CACNA1C: variants seen among roughly 807,000 people sequenced by gnomAD.
The protein encoded by CACNA1C is calcium voltage-gated channel subunit alpha1 C, also known as voltage-dependent L-type calcium channel subunit alpha-1C.
In CACNA1C, 30 loss-of-function variants were observed where a neutral mutation model predicts 229.0. The observed-to-expected ratio is 0.13, with a 90% confidence interval of 0.10 to 0.18. CACNA1C has a LOEUF of 0.18. CACNA1C is among the 10% of genes least tolerant of loss of function. CACNA1C has a pLI of 1.00. For synonymous variants in CACNA1C, 1,114 were observed against 1,132.5 expected, an observed-to-expected ratio of 0.98 and a Z score of 0.33; for missense variants, 1,658 against 2,845.0, an observed-to-expected ratio of 0.58 and a Z score of 9.49.
intron 1 of CACNA1C, among the ~76,000 whole-genome samples, chr12:2,001,598 T>C (rs1291593500): frequency 6.6e-6 from 1 of 152,180 alleles, no homozygotes; most frequent in African/African-American, 2.4e-5. Context: ...TCTCAACTTA[T>C]CCTCCCAAAT....
intron 3 of CACNA1C, among the ~76,000 whole-genome samples, chr12:2,121,911 G>A (rs1161904799): frequency 6.6e-6 from 1 of 152,160 alleles, no homozygotes; most frequent in Non-Finnish European, 1.5e-5. Flanking sequence ...TGACACTTGG[G>A]GCTGCTCAAG....
intron 9 of CACNA1C, among the ~76,000 whole-genome samples, chr12:2,538,683 C>T (rs2099861622): frequency 6.6e-6 from 1 of 152,198 alleles, no homozygotes. Context: ...GTATTAGAGA[C>T]TCCTAAGACT....
rs575445581 is a variant in CACNA1C at position 2,135,924 on chromosome 12, T to A, written c.477+15494T>A. Among the ~76,000 whole-genome samples the A allele has an allele frequency of 4.7e-5, 7 of 149,380 alleles. 1 individual carries two copies. In the South Asian group the frequency reaches 1.1e-3, roughly 23 times the overall value. ...CCCCAGCCTCGCTGCCGCCTTGCAG[T>A]TTGATCTCAGACTGCTGTGCTAGCA... On this transcript the variant is annotated intron_variant, in intron 3 of 46. Transcript: ENST00000399655.
intron 37 of CACNA1C, among the ~76,000 whole-genome samples, chr12:2,667,892 T>A (rs1203915433): frequency 1.3e-5 from 2 of 152,280 alleles, no homozygotes; most frequent in East Asian, 3.9e-4. Flanking sequence ...ATGGACGCTG[T>A]GGTGAGCTTC....
chr12:2,501,390 C>T (rs1180662054), intron 7 of CACNA1C, among the ~76,000 whole-genome samples: 1 of 152,136 alleles, frequency 6.6e-6, no homozygotes, highest in Non-Finnish European at 1.5e-5. Context: ...CCTGGGACTC[C>T]CATTCCAGGG....
rs537771292 is a variant in CACNA1C at position 2,633,474 on chromosome 12, T to C, written c.3829-823T>C. Among the ~76,000 whole-genome samples the C allele has an allele frequency of 6.6e-6, 1 of 152,294 alleles. No individual in the cohort carries two copies. The highest frequency in any genetic ancestry group is 2.1e-4 in the South Asian group (1 of 4,826). ...CGCCTCCCTGCTGCTCCTTCCTTGC[T>C]GGTGCTCCTGGGCTCCTGGCCATGG... On this transcript the variant is annotated intron_variant, in intron 29 of 46. Transcript: ENST00000399655. This position sits in a 1 kb window ranked among gnomAD's most constrained non-coding sequence, Gnocchi z 5.8.
At chr12:2,578,611 C>T (rs1167729775) in intron 13 of CACNA1C, among the ~76,000 whole-genome samples, 1 of 152,102 alleles carries the variant, frequency 6.6e-6, no homozygotes, top group Non-Finnish European at 1.5e-5. Flanking sequence ...TTGAAGATGG[C>T]GCAGAAGGAT....
rs904021152 is a variant in CACNA1C, at chr12:2,287,964, C to T, written c.478-161012C>T. 5.4e-5 allele frequency: 8 copies of T among 149,476 alleles called. No homozygotes were observed. The highest frequency in any genetic ancestry group is 1.9e-4 in the African/African-American group (8 of 41,074). 9.3% of individuals were successfully genotyped at this position (149,476 alleles called of 1,614,324 possible). A position where few individuals can be genotyped will look rare whatever the true frequency, so the allele number is the denominator to read the frequency against. ...ATATAGCTCTGGCTGAAAACGATTTCTGATCATTGATTTTTTTTTTTTTTT... is the reference window on the plus strand; with the variant it reads ...ATATAGCTCTGGCTGAAAACGATTTTTGATCATTGATTTTTTTTTTTTTTT... On this transcript the variant is annotated intron_variant, in intron 3 of 46. Coordinates refer to ENST00000399655, the MANE Select transcript of CACNA1C (RefSeq NM_000719.7). The surrounding 1 kb of genome is among the most constrained non-coding windows in gnomAD (Gnocchi z 4.6).
chr12:1,996,482 T>C (rs1353287071), intron 1 of CACNA1C, among the ~76,000 whole-genome samples: 1 of 151,920 alleles, frequency 6.6e-6, no homozygotes, highest in East Asian at 1.9e-4. Flanking sequence ...TTCCACCATA[T>C]TCCTGAGGCC....
At chr12:2,191,899 C>T (rs946693144) in intron 3 of CACNA1C, among the ~76,000 whole-genome samples, 4 of 151,774 alleles carry the variant, frequency 2.6e-5, no homozygotes, top group East Asian at 1.9e-4. Flanking sequence ...CAGGCACACA[C>T]ATGCACACAT....
intron 8 of CACNA1C, among the ~76,000 whole-genome samples, chr12:2,511,602 A>G (rs1430621770): frequency 6.6e-6 from 1 of 152,112 alleles, no homozygotes; most frequent in Non-Finnish European, 1.5e-5. Context: ...AAATACACAC[A>G]TACATGCACC....
At chr12:2,135,024 C>T (rs1433581776) in intron 3 of CACNA1C, among the ~76,000 whole-genome samples, 1 of 140,286 alleles carries the variant, frequency 7.1e-6, no homozygotes, top group East Asian at 2.1e-4. Context: ...TCTTTTTTCT[C>T]TAAACTTCCC....
At chr12:2,286,300 A>C (rs1300262622) in intron 3 of CACNA1C, among the ~76,000 whole-genome samples, 1 of 152,236 alleles carries the variant, frequency 6.6e-6, no homozygotes, top group Admixed American at 6.5e-5. Flanking sequence ...GGAAGCAAGA[A>C]CCTTAATTAT....
At chr12:2,400,150 A>G (rs1025682080) in intron 3 of CACNA1C, among the ~76,000 whole-genome samples, 1 of 152,212 alleles carries the variant, frequency 6.6e-6, no homozygotes, top group East Asian at 1.9e-4. Context: ...TGTGGATAAT[A>G]TTAAATCCAT....
At chr12:2,569,871 T>C (rs1363475164) in intron 13 of CACNA1C, among the ~76,000 whole-genome samples, 1 of 152,214 alleles carries the variant, frequency 6.6e-6, no homozygotes, top group African/African-American at 2.4e-5. Context: ...ACTGTCAAAC[T>C]GTTTTCCAAA....
intron 3 of CACNA1C, among the ~76,000 whole-genome samples, chr12:2,392,929 A>G (rs1372067937): frequency 6.6e-6 from 1 of 152,186 alleles, no homozygotes; most frequent in African/African-American, 2.4e-5. Context: ...TTCCTGGACC[A>G]ATCCTTGTGT....
intron 1 of CACNA1C, among the ~76,000 whole-genome samples, chr12:2,036,911 C>T (rs1223734705): frequency 6.6e-6 from 1 of 152,124 alleles, no homozygotes; most frequent in East Asian, 1.9e-4. Context: ...CAGGAGGATT[C>T]GGGGTACCCT....
In CACNA1C at chr12:2,575,057, C is replaced by T. The variant is rs946887891; in HGVS notation, c.1896-6533C>T. On this transcript the variant is annotated intron_variant, in intron 13 of 46. Transcript: ENST00000399655. This position sits in a 1 kb window ranked among gnomAD's most constrained non-coding sequence, Gnocchi z 4.0. ...GCTCAGAGAAGCATGCTGCTAAGGC[C>T]ATCCCCAGGTCCAGGCCAGACCACC... Among the ~76,000 whole-genome samples, 1 of 152,196 alleles carries T rather than the reference C, an allele frequency of 6.6e-6. No homozygotes were observed. The highest frequency in any genetic ancestry group is 1.5e-5 in the Non-Finnish European group (1 of 68,042).
intron 1 of CACNA1C, among the ~76,000 whole-genome samples, chr12:1,989,702 A>C (rs1458591048): frequency 1.3e-5 from 2 of 152,236 alleles, no homozygotes; most frequent in Non-Finnish European, 2.9e-5. Flanking sequence ...AAATAGAGCA[A>C]GACTCCGTCT....
Sources: gnomAD v4.1 joint callset for allele counts (sites outside exome capture counted in the v4.1 genomes callset) on GRCh38, gnomAD v4.1.1 for gene constraint, Gnocchi (gnomAD v3.1) non-coding constraint, MANE v1.5 for transcripts, NCBI Gene and HGNC (gene_info 2026-07-23, HGNC 2026-07-21) for gene names.